WDR64: variants seen among roughly 807,000 people sequenced by gnomAD.
WDR64 encodes WD repeat-containing protein 64.
A neutral mutation model predicts 139.3 loss-of-function variants in WDR64; 112 were observed. The observed-to-expected ratio is 0.80, with a 90% CI of 0.69 to 0.94. The LOEUF (loss-of-function observed/expected upper bound fraction) is 0.94. Ranked by LOEUF, WDR64 falls within the 40% of genes least tolerant of loss-of-function variation. WDR64 has a pLI of 0.00. For missense variants in WDR64, 1,206 were observed against 1,293.1 expected (o/e 0.93, Z 1.03); for synonymous variants, 444 against 437.7 (o/e 1.01, Z -0.18).
At chr1:241,711,976 A>T in intron 9 of WDR64, 95 bp downstream of exon 9, 1 of 1,172,578 alleles carries the variant, frequency 8.5e-7, no homozygotes, top group East Asian at 2.4e-5. Context: ...TAGGGAATTT[A>T]CAAATTTGTA....
At chr1:241,690,903 C>T (rs1046890820) in intron 8 of WDR64, among the ~76,000 whole-genome samples, 1 of 151,914 alleles carries the variant, frequency 6.6e-6, no homozygotes, top group African/African-American at 2.4e-5. Context: ...ATAATGACAG[C>T]AATGTATTCA....
intron 16 of WDR64, among the ~76,000 whole-genome samples, chr1:241,766,936 G>C (rs904015111): frequency 3.3e-5 from 5 of 152,062 alleles, no homozygotes; most frequent in Admixed American, 2.0e-4. Context: ...CCAAATTTAT[G>C]ACCTCAACAA....
intron 9 of WDR64, among the ~76,000 whole-genome samples, chr1:241,719,752 T>G: frequency 6.6e-6 from 1 of 152,204 alleles, no homozygotes; most frequent in Non-Finnish European, 1.5e-5. Context: ...AATATCAGAT[T>G]AACTAGAATT....
At chr1:241,723,252 G>T in intron 9 of WDR64, 45 bp from the exon 10 acceptor site, 2 of 1,610,022 alleles carry the variant, frequency 1.2e-6, no homozygotes, top group South Asian at 2.2e-5. Context: ...TTGAAACTCT[G>T]ACCACCTCAG....
intron 10 of WDR64, among the ~76,000 whole-genome samples, chr1:241,728,180 A>G (rs546178866): frequency 6.4e-4 from 96 of 150,354 alleles, no homozygotes; most frequent in Non-Finnish European, 1.0e-3. Context: ...TAAAACTACA[A>G]AAATTAGCCT....
intron 8 of WDR64, among the ~76,000 whole-genome samples, chr1:241,695,901 C>T (rs1412467414): frequency 6.6e-6 from 1 of 151,766 alleles, no homozygotes; most frequent in African/African-American, 2.4e-5. Context: ...ATCACTCGAG[C>T]CCAGGAGTTC....
At chr1:241,756,104 C>T (rs144231387) in intron 14 of WDR64, among the ~76,000 whole-genome samples, 3,624 of 152,170 alleles carry the variant, frequency 0.024, 71 homozygotes, top group East Asian at 0.03. Context: ...TGAAGAAAGT[C>T]AATGGTAGTT....
chr1:241,784,957 A>G lies in WDR64; in HGVS notation c.2705+1576A>G, dbSNP rs777062313. ...CGACAGAGTGAGACTCTGTCTGAAA[A>G]AAAAAAAAAAAAAAAAAAAGAAAGG... On this transcript the variant is annotated intron_variant, in intron 23 of 27. Coordinates refer to ENST00000437684, the MANE Select transcript of WDR64 (RefSeq NM_001367482.1). Among the ~76,000 whole-genome samples the G allele has an allele frequency of 9.1e-3, 897 of 98,744 alleles. 77 individuals are homozygous for G. Among genetic ancestry groups the G allele is most frequent in the Non-Finnish European group, 0.015 (698 of 45,750 alleles). 64.8% of individuals were successfully genotyped at this position (98,744 alleles called of 152,430 possible).
chr1:241,692,922 T>G (rs1667353102), intron 8 of WDR64, among the ~76,000 whole-genome samples: 1 of 152,076 alleles, frequency 6.6e-6, no homozygotes, highest in Admixed American at 6.6e-5. Flanking sequence ...CAAATGCTGG[T>G]GGGGTGTGGA....
intron 23 of WDR64, 97 bp from the exon 24 acceptor site, chr1:241,787,752 T>C: frequency 9.6e-7 from 1 of 1,042,264 alleles, no homozygotes; most frequent in Non-Finnish European, 1.4e-6. Context: ...AAATCCTTGA[T>C]GGACCAGCGC....
In WDR64 at chr1:241,656,813, G is replaced by A. The variant is rs937285377; in HGVS notation, c.146-3717G>A. ...CTTGGCCTCTACTCACTAGATGCCAGTAGCACACCTACTCCTAGTTGTGAC... is the reference window on the plus strand; with the variant it reads ...CTTGGCCTCTACTCACTAGATGCCAATAGCACACCTACTCCTAGTTGTGAC... On this transcript the variant is annotated intron_variant, in intron 1 of 27. Transcript: ENST00000437684. This position sits in a 1 kb window ranked among gnomAD's most constrained non-coding sequence, Gnocchi z 4.3. 1.3e-5 allele frequency among the ~76,000 whole-genome samples: 2 copies of A among 151,878 alleles called. No individual in the cohort carries two copies. Among genetic ancestry groups the A allele is most frequent in the African/African-American group, 2.4e-5 (1 of 41,324 alleles).
At chr1:241,700,431 G>A (rs1189420218) in intron 8 of WDR64, among the ~76,000 whole-genome samples, 1 of 152,016 alleles carries the variant, frequency 6.6e-6, no homozygotes, top group Non-Finnish European at 1.5e-5. Flanking sequence ...GGTCAGGAGA[G>A]ACTGCTCTGA....
chr1:241,749,835 G>C, intron 14 of WDR64, 113 bp downstream of exon 14: 1 of 1,221,806 alleles, frequency 8.2e-7, no homozygotes, highest in Non-Finnish European at 1.2e-6. Flanking sequence ...GCTGAAGATG[G>C]TATTTATCCT....
chr1:241,683,864 T>TATAC (rs1666911640), intron 7 of WDR64, among the ~76,000 whole-genome samples, 163 bp downstream of exon 7: 2 of 145,476 alleles, frequency 1.4e-5, no homozygotes, highest in Non-Finnish European at 3.0e-5. Context: ...TGTTCATGTA[T>TATAC]ACACACACAC....
intron 15 of WDR64, among the ~76,000 whole-genome samples, chr1:241,765,004 G>A (rs185652021): frequency 6.6e-6 from 1 of 152,160 alleles, no homozygotes; most frequent in Non-Finnish European, 1.5e-5. Flanking sequence ...TGGCAACATA[G>A]TGAGACCTTG....
rs762856101 is a variant in WDR64 at position 241,749,563 on chromosome 1, G to C, written c.1611G>C (p.Trp537Cys). 6.2e-7 allele frequency: 1 copy of C among 1,613,960 alleles called. No homozygotes were observed. Among genetic ancestry groups the C allele is most frequent in the Non-Finnish European group, 8.5e-7 (1 of 1,179,996 alleles). Residue 537 changes from tryptophan to cysteine, a missense_variant, in exon 14 of 28, where the codon TGG (tryptophan) becomes TGC (cysteine). Transcript: ENST00000437684. ...TGAYNGTVRI[W>C]DFGSGQEMKV... ...TATGCTCAGGAACAGTCAGAATCTG[G>C]GACTTTGGCAGTGGGCAGGAGATGA...
chr1:241,714,376 T>C (rs1668320001), intron 9 of WDR64, among the ~76,000 whole-genome samples: 1 of 152,172 alleles, frequency 6.6e-6, no homozygotes, highest in Non-Finnish European at 1.5e-5. Flanking sequence ...CAAAAATATC[T>C]ATTAAAGGAG....
chr1:241,783,162 C>G (rs767429795), intron 22 of WDR64, 110 bp from the exon 23 acceptor site: 148 of 905,264 alleles, frequency 1.6e-4, no homozygotes, highest in Non-Finnish European at 2.1e-4. Context: ...GCACAGATGT[C>G]TACATCTTCC....
chr1:241,759,174 A>C (rs1445646791), intron 15 of WDR64, among the ~76,000 whole-genome samples: 1 of 152,126 alleles, frequency 6.6e-6, no homozygotes, highest in Non-Finnish European at 1.5e-5. Flanking sequence ...GAAAACAATA[A>C]AATTACTAGG....
Sources: allele counts gnomAD v4.1 joint callset (sites outside exome capture counted in the v4.1 genomes callset), GRCh38; gene constraint gnomAD v4.1.1; non-coding constraint Gnocchi (gnomAD v3.1); transcripts MANE v1.5; gene names NCBI Gene and HGNC (gene_info 2026-07-23, HGNC 2026-07-21).